Variants in NARF observed in about 807,000 individuals in gnomAD.
The protein encoded by NARF is nuclear prelamin A recognition factor, also known as iron-only hydrogenase-like protein 2.
NARF carries 41 observed loss-of-function variants against 48.0 expected under a neutral mutation model. That is an observed-to-expected ratio of 0.85 (90% CI 0.66 to 1.11). The LOEUF (loss-of-function observed/expected upper bound fraction) is 1.11, where lower values mean the gene tolerates loss of function less well. Among genes scored for constraint, NARF ranks in the 50% least tolerant of loss-of-function variants. NARF has a pLI of 0.00. For synonymous variants in NARF, 215 were observed against 225.5 expected, an observed-to-expected ratio of 0.95 and a Z score of 0.42; for missense variants, 613 against 590.2, an observed-to-expected ratio of 1.04 and a Z score of -0.40.
intron 7 of NARF, chr17:82,481,966 C>A: frequency 3.3e-6 from 1 of 306,664 alleles, no homozygotes. Context: ...GCCTTTACCA[C>A]GGTATTGGCC....
chr17:82,481,685 G>A (rs1313160856), intron 7 of NARF: 8 of 391,138 alleles, frequency 2.0e-5, no homozygotes, highest in Admixed American at 1.4e-4. Context: ...AGCCGAGATC[G>A]CGCCATTACC....
Position 82,471,575 on chromosome 17 carries a change from G to A in NARF, c.386-989G>A, listed in dbSNP as rs2043707205. The stretch of plus-strand genomic sequence containing the variant: ...TGGGAGGCCGAGGCGGGCGGATCAC[G>A]AGGTCAGGAGATCGAGACCATCCTG... On this transcript the variant is annotated intron_variant, in intron 4 of 10. Coordinates refer to ENST00000309794, the MANE Select transcript of NARF (RefSeq NM_012336.4). 4.0e-5 allele frequency among the ~76,000 whole-genome samples: 6 copies of A among 149,028 alleles called. No individual in the cohort carries two copies. The South Asian group carries it at 8.5e-4, about 21-fold the overall frequency.
intron 5 of NARF, among the ~76,000 whole-genome samples, chr17:82,472,972 G>T (rs1168982502): frequency 2.0e-5 from 3 of 151,552 alleles, no homozygotes; most frequent in Non-Finnish European, 4.4e-5. Flanking sequence ...ACAGAGTCTC[G>T]CTCTGTCACT....
intron 5 of NARF, among the ~76,000 whole-genome samples, chr17:82,474,127 G>A (rs1053364567): frequency 6.6e-6 from 1 of 152,186 alleles, no homozygotes; most frequent in South Asian, 2.1e-4. Context: ...GCTGCAGTGA[G>A]CTATGACTCC....
At position 82,458,766 on chromosome 17, in the gene NARF, A is replaced by G; in HGVS notation, c.-38A>G. 2 of 1,473,238 alleles carry G rather than the reference A, an allele frequency of 1.4e-6. No individual in the cohort carries two copies. The highest frequency in any genetic ancestry group is 1.8e-6 in the Non-Finnish European group (2 of 1,118,114). 91.3% of individuals were successfully genotyped at this position (1,473,238 alleles called of 1,614,324 possible). ...GTCCCAGTCTCCCGGTGCTTCCCTG[A>G]GGCTGAGGCGCCCGGCCTCCCGCCC... is the stretch of plus-strand genomic sequence containing the variant. On this transcript the variant is annotated 5_prime_UTR_variant, in exon 1 of 11. Coordinates refer to ENST00000309794, the MANE Select transcript of NARF (RefSeq NM_012336.4).
intron 3 of NARF, among the ~76,000 whole-genome samples, chr17:82,467,938 T>G (rs919527098): frequency 3.3e-5 from 5 of 152,256 alleles, no homozygotes; most frequent in Admixed American, 6.5e-5. Flanking sequence ...ATTTATTTTT[T>G]CCAGATATTC....
intron 10 of NARF, 74 bp from the exon 11 acceptor site, chr17:82,487,842 T>G: frequency 6.4e-7 from 1 of 1,552,712 alleles, no homozygotes. Flanking sequence ...GTGTCTGTAG[T>G]TCTAGCTGCT....
chr17:82,458,703 G>A (rs1276652938), upstream of NARF: 1 of 1,393,448 alleles, frequency 7.2e-7, no homozygotes, highest in Middle Eastern at 2.1e-4. Flanking sequence ...GCCGCGTCGG[G>A]GGAGGACAAC....
intron 5 of NARF, among the ~76,000 whole-genome samples, chr17:82,474,519 A>G (rs1194733013): frequency 6.6e-6 from 1 of 152,194 alleles, no homozygotes; most frequent in Non-Finnish European, 1.5e-5. Context: ...ATTCTACTAC[A>G]TGAGGCCTGT....
intron 2 of NARF, 89 bp from the exon 3 acceptor site, chr17:82,464,198 T>G (rs572021353): frequency 2.7e-6 from 4 of 1,501,090 alleles, no homozygotes; most frequent in Non-Finnish European, 3.6e-6. Context: ...ATGTTTACTG[T>G]GAATTCTGTA....
intron 10 of NARF, among the ~76,000 whole-genome samples, chr17:82,486,364 G>A (rs760529579): frequency 1.3e-5 from 2 of 152,188 alleles, no homozygotes; most frequent in African/African-American, 4.8e-5. Context: ...CGAGGGACTC[G>A]AGTGGAAATG....
At chr17:82,476,343 T>A (rs1284363622) in intron 5 of NARF, among the ~76,000 whole-genome samples, 1 of 152,062 alleles carries the variant, frequency 6.6e-6, no homozygotes, top group South Asian at 2.1e-4. Flanking sequence ...GGTTGCACCA[T>A]GTTGGCCAGG....
intron 5 of NARF, among the ~76,000 whole-genome samples, chr17:82,473,179 G>T (rs1468890142): frequency 1.3e-5 from 2 of 152,246 alleles, no homozygotes; most frequent in Admixed American, 6.5e-5. Context: ...GATCTCAGGT[G>T]ATCTGCCTGC....
rs745886265 is a variant in NARF, at chr17:82,478,865, T to G, written c.586T>G (p.Ser196Ala). ...PITAHLCTAK[S>A]PQQVMGSLVK... The stretch of plus-strand genomic sequence containing the variant: ...CACTGCCCACCTCTGCACCGCCAAG[T>G]CCCCCCAGCAGGTCATGGGCTCTTT... The change falls in exon 6 of 11, where the codon TCC becomes GCC. Residue 196 changes from serine to alanine, a missense_variant. Physicochemically the swap from Ser to Ala is moderately conservative, Grantham distance 99. Coordinates refer to ENST00000309794, the MANE Select transcript of NARF (RefSeq NM_012336.4). 11 of 1,613,528 alleles carry G rather than the reference T, an allele frequency of 6.8e-6. No homozygotes were observed. The East Asian group carries it at 1.8e-4, about 26-fold the overall frequency.
intron 2 of NARF, chr17:82,462,671 G>C (rs1489975899): frequency 6.6e-6 from 1 of 152,394 alleles, no homozygotes; most frequent in African/African-American, 2.4e-5. Flanking sequence ...GGCTGAGTGA[G>C]GCCAGCAGGC....
rs1188693488 is a variant in NARF at position 82,487,972 on chromosome 17, C to G, written c.1186C>G (p.Leu396Val). 1 of 1,614,198 alleles carries G rather than the reference C, an allele frequency of 6.2e-7. No homozygotes were observed. Among genetic ancestry groups the G allele is most frequent in the Non-Finnish European group, 8.5e-7 (1 of 1,180,034 alleles). ...QTPDGHADKA[L>V]LRQMEGIYAD... ...TCCAGACGGACATGCGGATAAGGCC[C>G]TGCTGCGGCAGATGGAAGGCATTTA... The change falls in exon 11 of 11, where the codon CTG (leucine) becomes GTG (valine). Residue 396 changes from leucine (L) to valine (V), a missense_variant. Physicochemically the swap from Leu to Val is conservative, Grantham distance 32 (BLOSUM62 1). Coordinates refer to ENST00000309794, the MANE Select transcript of NARF (RefSeq NM_012336.4).
At chr17:82,466,687 A>G (rs1273119570) in intron 3 of NARF, among the ~76,000 whole-genome samples, 1 of 152,100 alleles carries the variant, frequency 6.6e-6, no homozygotes. Flanking sequence ...TCCTGACCTC[A>G]AGTGATGTGC....
intron 5 of NARF, chr17:82,477,756 C>T (rs1253787737): frequency 2.0e-5 from 3 of 152,186 alleles, no homozygotes; most frequent in Non-Finnish European, 4.4e-5. Flanking sequence ...TCAAGTGATC[C>T]GCCTGCCTCA....
At position 82,483,708 on chromosome 17, in the gene NARF, G is replaced by C. The variant is rs757914962; in HGVS notation, c.770-8G>C. The stretch of plus-strand genomic sequence containing the variant: ...GTCTTTTCAGTGTCTTACTTCGTTT[G>C]TCTGCAGGTGAAATTGCTCAAATAA... On this transcript the variant is annotated splice_region_variant and splice_polypyrimidine_tract_variant and intron_variant, in intron 7 of 10. Transcript: ENST00000309794. 2 of 1,613,720 alleles carry C rather than the reference G, an allele frequency of 1.2e-6. No homozygotes were observed. The highest frequency in any genetic ancestry group is 2.7e-5 in the African/African-American group (2 of 74,894).
Sources: allele counts gnomAD v4.1 joint callset (sites outside exome capture counted in the v4.1 genomes callset), GRCh38; gene constraint gnomAD v4.1.1; transcripts MANE v1.5; gene names NCBI Gene and HGNC (gene_info 2026-07-23, HGNC 2026-07-21).